Variants in CHST8 observed in about 807,000 individuals in gnomAD.
CHST8 encodes carbohydrate sulfotransferase 8, also known as GALNAC-4-ST1.
In CHST8, 10 loss-of-function variants were observed where a neutral mutation model predicts 15.0. The observed-to-expected ratio is 0.67, with a 90% CI of 0.41 to 1.13. CHST8 has a LOEUF of 1.13. CHST8 is among the 50% of genes most tolerant of loss of function. The pLI is 0.00. For synonymous variants in CHST8, 259 were observed against 256.6 expected (o/e 1.01, Z -0.09); for missense variants, 634 against 608.2 (o/e 1.04, Z -0.45).
intron 3 of CHST8, among the ~76,000 whole-genome samples, chr19:33,739,948 T>C (rs1974155644): frequency 6.6e-6 from 1 of 152,140 alleles, no homozygotes; most frequent in Non-Finnish European, 1.5e-5. Context: ...TGGGTTGGTG[T>C]GGTCAGAGGA....
At chr19:33,726,643 C>T (rs1973906667) in intron 3 of CHST8, among the ~76,000 whole-genome samples, 2 of 152,094 alleles carry the variant, frequency 1.3e-5, no homozygotes, top group Admixed American at 6.5e-5. Flanking sequence ...GGGGCTGGAT[C>T]GGTGTCCCAG....
At chr19:33,657,742 AATT>A (rs1568317351) in intron 1 of CHST8, among the ~76,000 whole-genome samples, 1 of 151,226 alleles carries the variant, frequency 6.6e-6, no homozygotes, top group African/African-American at 2.4e-5. Context: ...CTAATATTTT[AATT>A]ATTTTCGCAG....
chr19:33,723,767 C>T (rs991887776), intron 3 of CHST8, among the ~76,000 whole-genome samples: 2 of 152,230 alleles, frequency 1.3e-5, no homozygotes, highest in East Asian at 1.9e-4. Context: ...CTTCTCCTCT[C>T]GTGGGCTTCA....
intron 1 of CHST8, among the ~76,000 whole-genome samples, chr19:33,625,879 A>T (rs192803071): frequency 3.2e-3 from 489 of 151,948 alleles, no homozygotes; most frequent in Non-Finnish European, 6.1e-3. Flanking sequence ...TTTTTTTTTT[A>T]AATTGAGGTT....
chr19:33,632,910 A>C (rs1972141596), intron 1 of CHST8, among the ~76,000 whole-genome samples: 1 of 152,194 alleles, frequency 6.6e-6, no homozygotes, highest in Admixed American at 6.5e-5. Context: ...CTGGGACTAC[A>C]GGTGCATGCC....
intron 2 of CHST8, among the ~76,000 whole-genome samples, chr19:33,675,370 T>C (rs1972795656): frequency 6.6e-6 from 1 of 152,216 alleles, no homozygotes; most frequent in South Asian, 2.1e-4. Flanking sequence ...CTGTAGCCAT[T>C]GAACCATGAA....
chr19:33,683,304 G>C (rs2145247698), intron 2 of CHST8, among the ~76,000 whole-genome samples: 1 of 152,314 alleles, frequency 6.6e-6, no homozygotes, highest in African/African-American at 2.4e-5. Flanking sequence ...CATTGCACCT[G>C]TTAATGTGTA....
At chr19:33,632,572 T>G (rs1193689133) in intron 1 of CHST8, among the ~76,000 whole-genome samples, 4 of 152,122 alleles carry the variant, frequency 2.6e-5, no homozygotes, top group Admixed American at 2.6e-4. Flanking sequence ...AGCGAACAGA[T>G]CCTACGTATA....
chr19:33,679,627 G>A (rs1972859004), intron 2 of CHST8, among the ~76,000 whole-genome samples: 2 of 152,230 alleles, frequency 1.3e-5, no homozygotes, highest in South Asian at 2.1e-4. Flanking sequence ...TGAAGGTCAG[G>A]ACAGTCTGAT....
intron 2 of CHST8, among the ~76,000 whole-genome samples, chr19:33,685,591 C>T (rs1600261686): frequency 6.6e-6 from 1 of 152,160 alleles, no homozygotes; most frequent in South Asian, 2.1e-4. Context: ...TTGCCCTTGT[C>T]ATCGGAGCTG....
chr19:33,771,735 C>A (rs1475850882), intron 4 of CHST8, among the ~76,000 whole-genome samples: 5 of 152,146 alleles, frequency 3.3e-5, no homozygotes, highest in Admixed American at 2.6e-4. Context: ...CCTGGGAGGA[C>A]CGCGCCATCT....
rs58499745 is a variant in CHST8, at chr19:33,770,315, G to A, written c.131-1098G>A. On this transcript the variant is annotated intron_variant, in intron 3 of 4. Transcript: ENST00000650847. Reference sequence around the variant, plus strand: ...GTGTGGTCGGGCATGGTGCCCCGGCGCGCCAGCCAGAAGATCCAGCTCTCT... The same window carrying A: ...GTGTGGTCGGGCATGGTGCCCCGGCACGCCAGCCAGAAGATCCAGCTCTCT... Among the ~76,000 whole-genome samples the A allele has an allele frequency of 3.6e-3, 551 of 152,326 alleles. 21 individuals are homozygous for A. The East Asian group carries it at 0.074, about 21-fold the overall frequency.
intron 2 of CHST8, among the ~76,000 whole-genome samples, chr19:33,680,894 A>T (rs1972877543): frequency 6.6e-6 from 1 of 152,212 alleles, no homozygotes; most frequent in Non-Finnish European, 1.5e-5. Context: ...CTTTAATTAA[A>T]TTTTTAATTT....
intron 2 of CHST8, among the ~76,000 whole-genome samples, chr19:33,675,534 G>A (rs575588627): frequency 6.6e-6 from 1 of 152,350 alleles, no homozygotes; most frequent in Admixed American, 6.5e-5. Context: ...CAGAGTTTGT[G>A]TCCAATGCGT....
intron 2 of CHST8, among the ~76,000 whole-genome samples, chr19:33,681,901 T>C (rs1383330794): frequency 6.6e-6 from 1 of 151,444 alleles, no homozygotes; most frequent in South Asian, 2.1e-4. Flanking sequence ...AGTTTCGCTC[T>C]TGTCACCCAG....
At chr19:33,667,349 A>G (rs1972677562) in intron 1 of CHST8, among the ~76,000 whole-genome samples, 1 of 152,096 alleles carries the variant, frequency 6.6e-6, no homozygotes, top group Non-Finnish European at 1.5e-5. Context: ...GTCAGATCCA[A>G]TTCACACCCT....
chr19:33,713,803 A>G (rs1973606021), intron 3 of CHST8, among the ~76,000 whole-genome samples: 1 of 151,980 alleles, frequency 6.6e-6, no homozygotes, highest in Non-Finnish European at 1.5e-5. Flanking sequence ...TCGAACGGGC[A>G]CCCGCCTTGG....
chr19:33,686,092 C>T (rs1972974351), intron 2 of CHST8, among the ~76,000 whole-genome samples: 1 of 152,096 alleles, frequency 6.6e-6, no homozygotes, highest in Admixed American at 6.5e-5. Context: ...GGGTCTGAGG[C>T]TTAGGGGCTA....
chr19:33,665,630 C>G (rs557008979), intron 1 of CHST8, among the ~76,000 whole-genome samples: 1 of 149,022 alleles, frequency 6.7e-6, no homozygotes, highest in South Asian at 2.1e-4. Context: ...TGAGTATCTT[C>G]AAAACTGAAA....
Sources: allele counts gnomAD v4.1 joint callset (sites outside exome capture counted in the v4.1 genomes callset), GRCh38; gene constraint gnomAD v4.1.1; transcripts MANE v1.5; gene names NCBI Gene and HGNC (gene_info 2026-07-23, HGNC 2026-07-21).